GABRG3: variants seen among roughly 807,000 people sequenced by gnomAD.
The protein encoded by GABRG3 is gamma-aminobutyric acid type A receptor subunit gamma3.
In GABRG3, 25 loss-of-function variants were observed where a neutral mutation model predicts 48.8. The ratio of observed to expected loss-of-function variants is 0.51; its 90% CI spans 0.37 to 0.72. The LOEUF (loss-of-function observed/expected upper bound fraction) is 0.72, where lower values mean the gene tolerates loss of function less well. Ranked by LOEUF, GABRG3 falls within the 30% of genes least tolerant of loss-of-function variation. The pLI, the probability that GABRG3 is intolerant of heterozygous loss-of-function variation, is 0.00. For synonymous variants in GABRG3, 227 were observed against 217.6 expected (o/e 1.04, Z -0.38); for missense variants, 394 against 577.9 (o/e 0.68, Z 3.26).
At chr15:27,166,282 A>C (rs889414288) in intron 3 of GABRG3, among the ~76,000 whole-genome samples, 1 of 152,212 alleles carries the variant, frequency 6.6e-6, no homozygotes, top group African/African-American at 2.4e-5. Flanking sequence ...TCTTTGAACA[A>C]ATTTTCTTAT....
intron 3 of GABRG3, among the ~76,000 whole-genome samples, chr15:27,092,550 C>T (rs1339937794): frequency 6.6e-6 from 1 of 152,188 alleles, no homozygotes; most frequent in Non-Finnish European, 1.5e-5. Flanking sequence ...CAGCAACAAG[C>T]GGATGCTCTG....
chr15:27,397,797 GAA>G (rs527786898), intron 5 of GABRG3, among the ~76,000 whole-genome samples: 1 of 137,178 alleles, frequency 7.3e-6, no homozygotes, highest in African/African-American at 2.9e-5. Context: ...TTTCTTCTCT[GAA>G]AAATTTTTTT....
At chr15:27,439,228 T>C (rs1223201313) in intron 5 of GABRG3, among the ~76,000 whole-genome samples, 1 of 152,076 alleles carries the variant, frequency 6.6e-6, no homozygotes, top group African/African-American at 2.4e-5. Context: ...CCAAGTCAGG[T>C]CCCTGGGGTG....
At chr15:27,257,861 C>G (rs1890667538) in intron 3 of GABRG3, among the ~76,000 whole-genome samples, 1 of 151,606 alleles carries the variant, frequency 6.6e-6, no homozygotes, top group South Asian at 2.1e-4. Context: ...CTGCTATGTT[C>G]CTCAGACTTG....
chr15:27,304,438 G>A (rs536504561), intron 3 of GABRG3, among the ~76,000 whole-genome samples: 2 of 151,828 alleles, frequency 1.3e-5, no homozygotes, highest in African/African-American at 4.8e-5. Flanking sequence ...TCTTATAGTT[G>A]TGAAGGTCAT....
chr15:27,270,711 G>A (rs554076740), intron 3 of GABRG3, among the ~76,000 whole-genome samples: 1 of 152,286 alleles, frequency 6.6e-6, no homozygotes, highest in Admixed American at 6.5e-5. Flanking sequence ...CGTATTTCAA[G>A]AGTGTTAGAG....
At chr15:27,004,366 C>T (rs563894731) in intron 2 of GABRG3, among the ~76,000 whole-genome samples, 101 of 151,086 alleles carry the variant, frequency 6.7e-4, no homozygotes, top group African/African-American at 1.3e-3. Flanking sequence ...CGGGCAGAGA[C>T]GCTCCTCACT....
chr15:27,197,955 T>A (rs1888549686), intron 3 of GABRG3, among the ~76,000 whole-genome samples: 1 of 152,204 alleles, frequency 6.6e-6, no homozygotes, highest in South Asian at 2.1e-4. Context: ...AGTAGTGATA[T>A]CCCCTTTATT....
At chr15:27,455,644 TTGTG>T (rs1163305307) in intron 5 of GABRG3, among the ~76,000 whole-genome samples, 1 of 151,074 alleles carries the variant, frequency 6.6e-6, no homozygotes, top group Non-Finnish European at 1.5e-5. Context: ...CGTGGGTGGT[TTGTG>T]TGTGTGATGT....
At chr15:27,334,163 A>G (rs1252890697) in intron 5 of GABRG3, among the ~76,000 whole-genome samples, 1 of 152,228 alleles carries the variant, frequency 6.6e-6, no homozygotes, top group Non-Finnish European at 1.5e-5. Context: ...TAAACGATGC[A>G]ATATACATAG....
At chr15:27,525,025 C>T (rs371678492) in intron 7 of GABRG3, among the ~76,000 whole-genome samples, 9 of 152,192 alleles carry the variant, frequency 5.9e-5, no homozygotes, top group African/African-American at 1.9e-4. Context: ...TTCATGTAAT[C>T]ACCAGGAACT....
chr15:27,068,596 A>G (rs1187892171), intron 3 of GABRG3, among the ~76,000 whole-genome samples: 1 of 152,242 alleles, frequency 6.6e-6, no homozygotes, highest in Middle Eastern at 3.2e-3. Context: ...TAGGGCCCAG[A>G]TCCATTTTCA....
chr15:27,381,283 C>T (rs1595716077), intron 5 of GABRG3, among the ~76,000 whole-genome samples: 1 of 152,182 alleles, frequency 6.6e-6, no homozygotes, highest in Non-Finnish European at 1.5e-5. Flanking sequence ...AGGTAGGCCT[C>T]GTTAAGAACA....
At chr15:27,316,871 CTCT>C (rs1893249032) in intron 3 of GABRG3, among the ~76,000 whole-genome samples, 1 of 152,038 alleles carries the variant, frequency 6.6e-6, no homozygotes, top group African/African-American at 2.4e-5. Context: ...AAATTAAATG[CTCT>C]TCTTAAATAT....
intron 5 of GABRG3, among the ~76,000 whole-genome samples, chr15:27,469,186 A>G (rs1249765153): frequency 6.6e-6 from 1 of 152,056 alleles, no homozygotes; most frequent in Non-Finnish European, 1.5e-5. Flanking sequence ...ATAATTACAC[A>G]AAGTTAGTAT....
intron 2 of GABRG3, among the ~76,000 whole-genome samples, chr15:27,003,166 A>AT (rs1895487203): frequency 6.8e-6 from 1 of 148,020 alleles, no homozygotes; most frequent in African/African-American, 2.5e-5. Flanking sequence ...TTATTTTTTT[A>AT]TTTTTTATTT....
intron 3 of GABRG3, among the ~76,000 whole-genome samples, chr15:27,051,357 A>G (rs1281727488): frequency 6.6e-6 from 1 of 152,238 alleles, no homozygotes; most frequent in Admixed American, 6.5e-5. Flanking sequence ...AAGATAAACT[A>G]TAGTGAATTA....
chr15:26,976,944 G>A lies in GABRG3; in HGVS notation c.54-58G>A. 6.3e-7 allele frequency: 1 copy of A among 1,593,738 alleles called. No homozygotes were observed. Among genetic ancestry groups the A allele is most frequent in the Admixed American group, 1.7e-5 (1 of 58,902 alleles). On this transcript the variant is annotated intron_variant, in intron 1 of 9. Transcript: ENST00000615808. This position sits in a 1 kb window ranked among gnomAD's most constrained non-coding sequence, Gnocchi z 7.8. ...TGGTACTTGGATAGGACAAACTTAGGCTCTTCCTAGAGCCATTGCTGCCAC... is the reference window on the plus strand; with the variant it reads ...TGGTACTTGGATAGGACAAACTTAGACTCTTCCTAGAGCCATTGCTGCCAC...
intron 9 of GABRG3, 106 bp from the exon 10 acceptor site, chr15:27,532,494 C>G: frequency 9.8e-7 from 1 of 1,017,016 alleles, no homozygotes; most frequent in East Asian, 2.9e-5. Context: ...CACGCATCCT[C>G]TTTATCTATA....
Sources: allele counts gnomAD v4.1 joint callset (sites outside exome capture counted in the v4.1 genomes callset), GRCh38; gene constraint gnomAD v4.1.1; non-coding constraint Gnocchi (gnomAD v3.1); transcripts MANE v1.5; gene names NCBI Gene and HGNC (gene_info 2026-07-23, HGNC 2026-07-21).